OR1J2: variants seen among roughly 807,000 people sequenced by gnomAD.
OR1J2 encodes the protein olfactory receptor 1J2.
For synonymous variants in OR1J2, 142 were observed against 99.7 expected (o/e 1.42, Z -2.52); for missense variants, 304 against 246.1 (o/e 1.24, Z -1.57).
At chr9:122,481,485 TAAAG>T in the OR1J2 span, among the ~76,000 whole-genome samples, 1 of 150,906 alleles carries the variant, frequency 6.6e-6, no homozygotes, top group East Asian at 2.0e-4. Flanking sequence ...TATAAATCAA[TAAAG>T]AAAAGACAAA....
chr9:122,501,802 G>A, the OR1J2 span, among the ~76,000 whole-genome samples: 1 of 152,296 alleles, frequency 6.6e-6, no homozygotes, highest in East Asian at 1.9e-4. Context: ...AGAATTAAGG[G>A]CAAGTCGTTT....
chr9:122,478,159 A>G, the OR1J2 span, among the ~76,000 whole-genome samples: 2 of 152,360 alleles, frequency 1.3e-5, no homozygotes, highest in East Asian at 3.9e-4. Context: ...AAATGATAGT[A>G]CTAAAAGTTG....
chr9:122,461,134 G>A, the OR1J2 span, among the ~76,000 whole-genome samples: 1 of 151,948 alleles, frequency 6.6e-6, no homozygotes, highest in African/African-American at 2.4e-5. Context: ...CTCTGGCTAG[G>A]ACTTCCAGTA....
At chr9:122,519,800 C>T in the OR1J2 span, 1 of 1,614,196 alleles carries the variant, frequency 6.2e-7, no homozygotes. Context: ...CTTATGGCCA[C>T]ATTGGGGTCA....
the OR1J2 span, among the ~76,000 whole-genome samples, chr9:122,554,933 T>C: frequency 6.7e-6 from 1 of 149,510 alleles, no homozygotes; most frequent in Non-Finnish European, 1.5e-5. Flanking sequence ...AAATGATAAA[T>C]CAAGCATGCT....
At chr9:122,574,496 G>A in the OR1J2 span, among the ~76,000 whole-genome samples, 1 of 151,996 alleles carries the variant, frequency 6.6e-6, no homozygotes, top group South Asian at 2.1e-4. Flanking sequence ...CCACTTGTTT[G>A]TTGCTAATAT....
chr9:122,515,678 C>G (rs150438170), downstream of OR1J2, among the ~76,000 whole-genome samples: 372 of 152,194 alleles, frequency 2.4e-3, 2 homozygotes, highest in African/African-American at 8.3e-3. Context: ...TTCCAAAGTC[C>G]CTGATCATTT....
the OR1J2 span, among the ~76,000 whole-genome samples, chr9:122,496,938 C>T: frequency 3.3e-5 from 5 of 152,118 alleles, no homozygotes; most frequent in Admixed American, 2.0e-4. Flanking sequence ...TCCTTTCACA[C>T]AGGTCACCAG....
the OR1J2 span, among the ~76,000 whole-genome samples, chr9:122,529,009 C>T: frequency 6.6e-6 from 1 of 152,182 alleles, no homozygotes; most frequent in Non-Finnish European, 1.5e-5. Context: ...AAAAAGTTAT[C>T]TTCAAATTGA....
the OR1J2 span, among the ~76,000 whole-genome samples, chr9:122,574,957 A>C: frequency 1.3e-5 from 2 of 152,068 alleles, no homozygotes; most frequent in Non-Finnish European, 2.9e-5. Context: ...TTATGTATTC[A>C]TGTGGCTTTT....
chr9:122,450,219 C>T, the OR1J2 span, among the ~76,000 whole-genome samples: 1 of 152,028 alleles, frequency 6.6e-6, no homozygotes, highest in Non-Finnish European at 1.5e-5. Flanking sequence ...TCACTTGACA[C>T]CAGGAGTTTG....
chr9:122,511,701 C>T lies in OR1J2; in HGVS notation c.900C>T (p.Ala300=), dbSNP rs757902311. The T allele has an allele frequency of 6.4e-6, 5 of 780,916 alleles. No individual in the cohort carries two copies. The Admixed American group carries it at 6.8e-5, about 11-fold the overall frequency. The allele number at this position is 780,916 out of a possible 1,614,324, so 48.4% of individuals were successfully genotyped here. ...YSLRNRDMKE[A]LGKLFSRATF... The stretch of plus-strand genomic sequence containing the variant: ...TTAGGAACAGGGACATGAAAGAGGC[C>T]CTTGGGAAACTCTTCAGTAGAGCAA... Residue 300 remains alanine, a synonymous_variant, in exon 1 of 1, where the codon GCC becomes GCT. Coordinates refer to ENST00000335302, the MANE Select transcript of OR1J2 (RefSeq NM_054107.1).
chr9:122,456,050 A>G, the OR1J2 span, among the ~76,000 whole-genome samples: 1 of 152,176 alleles, frequency 6.6e-6, no homozygotes, highest in Non-Finnish European at 1.5e-5. Flanking sequence ...CAGTTGATCT[A>G]GTTATTTATC....
chr9:122,482,168 AAAAC>A, the OR1J2 span, among the ~76,000 whole-genome samples: 25 of 152,166 alleles, frequency 1.6e-4, no homozygotes, highest in African/African-American at 2.7e-4. Context: ...CCCAATAGCA[AAAAC>A]AAACAAACAA....
the OR1J2 span, among the ~76,000 whole-genome samples, chr9:122,491,139 A>G: frequency 1.6e-4 from 25 of 152,212 alleles, no homozygotes; most frequent in African/African-American, 5.3e-4. Context: ...AATGTAGAAA[A>G]TAAGGAGAAC....
At chr9:122,568,079 A>G in the OR1J2 span, 18 of 1,613,964 alleles carry the variant, frequency 1.1e-5, no homozygotes, top group South Asian at 1.4e-4. Context: ...TGGTGGTGAC[A>G]TAGTGGAAAG....
At chr9:122,502,770 C>A in the OR1J2 span, among the ~76,000 whole-genome samples, 1 of 151,240 alleles carries the variant, frequency 6.6e-6, no homozygotes, top group South Asian at 2.1e-4. Context: ...TACTGTGTTT[C>A]CTGGTAGGAG....
chr9:122,551,770 G>A, the OR1J2 span, among the ~76,000 whole-genome samples: 5 of 151,994 alleles, frequency 3.3e-5, no homozygotes, highest in Non-Finnish European at 7.4e-5. Flanking sequence ...CGAGCACATT[G>A]GGAGATGGTG....
chr9:122,554,673 T>C, the OR1J2 span, among the ~76,000 whole-genome samples: 1 of 152,196 alleles, frequency 6.6e-6, no homozygotes, highest in Non-Finnish European at 1.5e-5. Flanking sequence ...TTTACCACTT[T>C]GTGAGGATCA....
Sources: gnomAD v4.1 joint callset for allele counts (sites outside exome capture counted in the v4.1 genomes callset) on GRCh38, gnomAD v4.1.1 for gene constraint, MANE v1.5 for transcripts, NCBI Gene and HGNC (gene_info 2026-07-23, HGNC 2026-07-21) for gene names.